Variants in EDN3 observed in about 807,000 individuals in gnomAD.
EDN3 encodes endothelin-3.
Under a neutral mutation model 21.4 loss-of-function variants are expected in EDN3, and 9 were observed. The observed-to-expected ratio is 0.42, with a 90% CI of 0.25 to 0.73. The LOEUF (loss-of-function observed/expected upper bound fraction) is 0.73, where lower values mean the gene tolerates loss of function less well. EDN3 is among the 30% of genes least tolerant of loss of function. The pLI is 0.26. For synonymous variants in EDN3, 133 were observed against 126.2 expected (o/e 1.05, Z -0.36); for missense variants, 327 against 309.4 (o/e 1.06, Z -0.43).
At chr20:59,314,623 C>T (rs1990060095) in intron 2 of EDN3, among the ~76,000 whole-genome samples, 1 of 152,078 alleles carries the variant, frequency 6.6e-6, no homozygotes, top group Admixed American at 6.5e-5. Flanking sequence ...AGAGTGGGTC[C>T]TATTGGCCCA....
intron 3 of EDN3, among the ~76,000 whole-genome samples, chr20:59,321,723 C>T (rs1568844674): frequency 6.6e-6 from 1 of 152,122 alleles, no homozygotes; most frequent in Non-Finnish European, 1.5e-5. Flanking sequence ...GTGCAATATC[C>T]ATTTACCTGT....
intron 2 of EDN3, among the ~76,000 whole-genome samples, chr20:59,316,300 G>A (rs889913086): frequency 1.2e-4 from 18 of 152,206 alleles, no homozygotes; most frequent in African/African-American, 4.3e-4. Context: ...CCCGCCCCTT[G>A]TCTGTCTTTA....
At chr20:59,308,353 G>T (rs917895860) in intron 2 of EDN3, among the ~76,000 whole-genome samples, 1 of 152,204 alleles carries the variant, frequency 6.6e-6, no homozygotes, top group Non-Finnish European at 1.5e-5. Flanking sequence ...GACATAGGAG[G>T]TGGGACTGCT....
chr20:59,304,613 C>G (rs1382038729), intron 2 of EDN3, among the ~76,000 whole-genome samples: 1 of 152,184 alleles, frequency 6.6e-6, no homozygotes, highest in Non-Finnish European at 1.5e-5. Context: ...GGAAATTGCT[C>G]TGAGTACGGT....
At position 59,322,513 on chromosome 20, in the gene EDN3, T is replaced by G; in HGVS notation, c.588+96T>G. 6.6e-7 allele frequency: 1 copy of G among 1,523,776 alleles called. No individual in the cohort carries two copies. Among genetic ancestry groups the G allele is most frequent in the Non-Finnish European group, 9.1e-7 (1 of 1,102,096 alleles). 94.4% of individuals were successfully genotyped at this position (1,523,776 alleles called of 1,614,324 possible). On this transcript the variant is annotated intron_variant, in intron 4 of 4. Coordinates refer to ENST00000337938, the MANE Select transcript of EDN3 (RefSeq NM_207034.3). This position sits in a 1 kb window ranked among gnomAD's most constrained non-coding sequence, Gnocchi z 4.1. ...TGGAGGGTGTTTTGAGGGGATGGCA[T>G]CTGGTCTGGTCCAGTGGGAACCCCA...
chr20:59,318,869 T>C (rs1315402580), intron 2 of EDN3, among the ~76,000 whole-genome samples: 1 of 152,250 alleles, frequency 6.6e-6, no homozygotes, highest in Non-Finnish European at 1.5e-5. Context: ...TCACTATTGA[T>C]GGAGAAATGG....
At position 59,324,533 on chromosome 20, in the gene EDN3, T is replaced by C; in HGVS notation, c.*74T>C. 6.2e-7 allele frequency: 1 copy of C among 1,605,956 alleles called. No individual in the cohort carries two copies. Among genetic ancestry groups the C allele is most frequent in the Non-Finnish European group, 8.5e-7 (1 of 1,174,058 alleles). On this transcript the variant is annotated 3_prime_UTR_variant, in exon 5 of 5. Transcript: ENST00000337938. ...CACACACAGTTCAGATTTCCACCTC[T>C]TTATAGACAAGAAGTGAATTTGCCT... is the stretch of plus-strand genomic sequence containing the variant.
rs922938901 is a variant in EDN3 at position 59,324,009 on chromosome 20, G to A, written c.589-322G>A. On this transcript the variant is annotated intron_variant, in intron 4 of 4. Transcript: ENST00000337938. ...GTTCTTGCTTTCTTGCAAGATTCAA[G>A]TTAGTAATTCCCAGATTCACATTCT... is the stretch of plus-strand genomic sequence containing the variant. Among the ~76,000 whole-genome samples the A allele has an allele frequency of 3.9e-5, 6 of 152,334 alleles. No homozygotes were observed. In the East Asian group the frequency reaches 9.6e-4, roughly 24 times the overall value.
At chr20:59,323,366 G>C (rs973366888) in intron 4 of EDN3, among the ~76,000 whole-genome samples, 2 of 152,062 alleles carry the variant, frequency 1.3e-5, no homozygotes, top group African/African-American at 4.8e-5. Flanking sequence ...TCTCAGCGAG[G>C]GCGGGATGTA....
intron 2 of EDN3, among the ~76,000 whole-genome samples, chr20:59,313,144 T>C (rs531571981): frequency 6.6e-6 from 1 of 152,324 alleles, no homozygotes; most frequent in East Asian, 1.9e-4. Flanking sequence ...CAGCCAAGAA[T>C]GTCATATGTT....
intron 2 of EDN3, among the ~76,000 whole-genome samples, chr20:59,317,043 C>T (rs962686658): frequency 1.3e-5 from 2 of 152,142 alleles, no homozygotes; most frequent in Non-Finnish European, 2.9e-5. Flanking sequence ...AGCGGTAGGC[C>T]CCAGCCACTG....
chr20:59,302,936 T>C (rs569539963), intron 2 of EDN3, among the ~76,000 whole-genome samples: 13 of 152,228 alleles, frequency 8.5e-5, no homozygotes, highest in African/African-American at 3.1e-4. Flanking sequence ...ACGAGGGTAG[T>C]AAACCTGAGG....
intron 4 of EDN3, 91 bp from the exon 5 acceptor site, chr20:59,324,240 C>T (rs1001450052): frequency 2.4e-5 from 37 of 1,521,022 alleles, no homozygotes; most frequent in South Asian, 4.5e-5. Context: ...AGTGGGAAGA[C>T]GTTCCCTTTT....
Position 59,322,834 on chromosome 20 carries a change from A to C in EDN3, c.588+417A>C, listed in dbSNP as rs939059207. On this transcript the variant is annotated intron_variant, in intron 4 of 4. Coordinates refer to ENST00000337938, the MANE Select transcript of EDN3 (RefSeq NM_207034.3). The surrounding 1 kb of genome is among the most constrained non-coding windows in gnomAD (Gnocchi z 4.1). ...TTAGCAACATGTGGTCTTTCTCGTC[A>C]AAAAAATCATTTATTCTTTTCAGCA... is the stretch of plus-strand genomic sequence containing the variant. 3.3e-5 allele frequency among the ~76,000 whole-genome samples: 5 copies of C among 152,156 alleles called. No homozygotes were observed. Among genetic ancestry groups the C allele is most frequent in the Admixed American group, 1.3e-4 (2 of 15,274 alleles).
At chr20:59,324,279 T>G (rs1222979660) in intron 4 of EDN3, 52 bp from the exon 5 acceptor site, 1 of 1,612,966 alleles carries the variant, frequency 6.2e-7, no homozygotes, top group Non-Finnish European at 8.5e-7. Context: ...AGAGCTACAC[T>G]TTCATAACAT....
chr20:59,300,614 C>G lies in EDN3; in HGVS notation c.-199C>G. On this transcript the variant is annotated 5_prime_UTR_variant, in exon 1 of 5. Coordinates refer to ENST00000337938, the MANE Select transcript of EDN3 (RefSeq NM_207034.3). Reference sequence around the variant, plus strand: ...CGAGCCACAGCCGGCCAGCTCCGCGCAGGGATGGGCAGCGCGCTCTGAAAG... The same window carrying G: ...CGAGCCACAGCCGGCCAGCTCCGCGGAGGGATGGGCAGCGCGCTCTGAAAG... 1 of 599,892 alleles carries G rather than the reference C, an allele frequency of 1.7e-6. No homozygotes were observed. Among genetic ancestry groups the G allele is most frequent in the Non-Finnish European group, 2.9e-6 (1 of 342,196 alleles). 37.2% of individuals were successfully genotyped at this position (599,892 alleles called of 1,614,324 possible).
At chr20:59,324,298 T>C (rs572322014) in intron 4 of EDN3, 33 bp from the exon 5 acceptor site, 6 of 1,613,834 alleles carry the variant, frequency 3.7e-6, no homozygotes, top group South Asian at 2.2e-5. Context: ...ATACCTTTCT[T>C]TTTTTTTCTT....
At chr20:59,320,906 C>G in intron 2 of EDN3, 111 bp from the exon 3 acceptor site, 1 of 1,165,608 alleles carries the variant, frequency 8.6e-7, no homozygotes, top group South Asian at 1.3e-5. Context: ...GTTGTGAACA[C>G]CAGTTTCTGA....
chr20:59,316,146 A>C (rs1422254840), intron 2 of EDN3, among the ~76,000 whole-genome samples: 2 of 152,320 alleles, frequency 1.3e-5, no homozygotes, highest in South Asian at 4.1e-4. Flanking sequence ...AGATTGCGCC[A>C]CTGCACTCCA....
Sources: allele counts gnomAD v4.1 joint callset (sites outside exome capture counted in the v4.1 genomes callset), GRCh38; gene constraint gnomAD v4.1.1; non-coding constraint Gnocchi (gnomAD v3.1); transcripts MANE v1.5; gene names NCBI Gene and HGNC (gene_info 2026-07-23, HGNC 2026-07-21).